APOLD1: variants seen among roughly 807,000 people sequenced by gnomAD.
APOLD1 encodes the protein apolipoprotein L domain-containing protein 1.
A neutral mutation model predicts 15.3 loss-of-function variants in APOLD1; 22 were observed. The observed-to-expected ratio is 1.44, with a 90% CI of 1.03 to 2.05. The LOEUF (loss-of-function observed/expected upper bound fraction) is 2.05. Ranked by LOEUF, APOLD1 falls within the 30% of genes most tolerant of loss-of-function variation. The probability of loss-of-function intolerance (pLI) is 0.00; values close to 1 mark genes in which losing one functional copy is unlikely to be tolerated. For missense variants in APOLD1, 394 were observed against 353.5 expected (o/e 1.11, Z -0.92); for synonymous variants, 190 against 167.4 (o/e 1.13, Z -1.04).
At chr12:12,768,898 C>G (rs1474513238) in intron 1 of APOLD1, among the ~76,000 whole-genome samples, 2 of 151,512 alleles carry the variant, frequency 1.3e-5, no homozygotes, top group East Asian at 3.9e-4. Context: ...GGATTAGGAA[C>G]ATTAGTTTCC....
In APOLD1 at chr12:12,776,953, AT is replaced by A. The variant is rs201787664; in HGVS notation, c.97-9955del. On this transcript the variant is annotated intron_variant, in intron 1 of 1. Transcript: ENST00000326765. ...GAAAAGTGTATTTTTTAAATAAAAA[AT>A]GATCAAAATTATATTCATCTGAAGA... Among the ~76,000 whole-genome samples the A allele has an allele frequency of 3.7e-3, 564 of 152,354 alleles. 5 individuals carry two copies. The highest frequency in any genetic ancestry group is 0.026 in the East Asian group (135 of 5,194).
At chr12:12,728,545 G>A (rs1040429180) in intron 1 of APOLD1, among the ~76,000 whole-genome samples, 1 of 151,668 alleles carries the variant, frequency 6.6e-6, no homozygotes, top group Admixed American at 6.6e-5. Context: ...GGTGCTGCCT[G>A]TAGTCCCAGC....
At position 12,746,623 on chromosome 12, in the gene APOLD1, T is replaced by C. The variant is rs151122049; in HGVS notation, c.96+20527T>C. Among the ~76,000 whole-genome samples, 138 of 152,294 alleles carry C rather than the reference T, an allele frequency of 9.1e-4. 1 individual carries two copies. The highest frequency in any genetic ancestry group is 3.3e-3 in the African/African-American group (136 of 41,568). On this transcript the variant is annotated intron_variant, in intron 1 of 1. Transcript: ENST00000326765. ...AATTTTAAAAAACTATTGGAAAACA[T>C]GGGAAAACATGCTCTAATTTTTTTT...
Position 12,787,421 on chromosome 12 carries a change from C to A in APOLD1, c.516C>A (p.Phe172Leu). ...ACAATTCTGTCTACTTCATCGTCTT[C>A]TTTGGCTCACGTGGCTTCCTCATCC... ...ALYNSVYFIV[F>L]FGSRGFLIPR... The change falls in exon 2 of 2, where the codon TTC becomes TTA. Residue 172 changes from phenylalanine (F) to leucine (L), a missense_variant. Physicochemically the swap from Phe to Leu is conservative, Grantham distance 22. Transcript: ENST00000356591. The surrounding 1 kb of genome is among the most constrained non-coding windows in gnomAD (Gnocchi z 4.9). 1 of 1,614,218 alleles carries A rather than the reference C, an allele frequency of 6.2e-7. No individual in the cohort carries two copies. Among genetic ancestry groups the A allele is most frequent in the Non-Finnish European group, 8.5e-7 (1 of 1,180,028 alleles).
intron 1 of APOLD1, among the ~76,000 whole-genome samples, chr12:12,776,003 CAAAAAAAA>C (rs34623976): frequency 3.2e-5 from 2 of 62,204 alleles, no homozygotes; most frequent in Non-Finnish European, 5.7e-5. Flanking sequence ...GACCCAGTCT[CAAAAAAAA>C]AAAAAAAAAA....
chr12:12,786,617 T>G (rs1548838), intron 1 of APOLD1: 514,894 of 976,394 alleles, frequency 0.53, 137,082 homozygotes, highest in South Asian at 0.65. Context: ...ATTTAACACA[T>G]AGCTGATGAA....
At chr12:12,786,613 C>T (rs1947126461) in intron 1 of APOLD1, 1 of 975,276 alleles carries the variant, frequency 1.0e-6, no homozygotes, top group African/African-American at 1.8e-5. Flanking sequence ...TCTTATTTAA[C>T]ACATAGCTGA....
chr12:12,745,184 G>C (rs143222212), intron 1 of APOLD1, among the ~76,000 whole-genome samples: 42 of 152,310 alleles, frequency 2.8e-4, no homozygotes, highest in South Asian at 6.2e-4. Context: ...AAGGCAGAGA[G>C]AAGACCAAAT....
At chr12:12,773,086 G>GA (rs144812570) in intron 1 of APOLD1, among the ~76,000 whole-genome samples, 2,717 of 150,454 alleles carry the variant, frequency 0.018, 83 homozygotes, top group African/African-American at 0.063. Context: ...CTCTAAAAAA[G>GA]AAAAAAAAAT....
At chr12:12,744,704 T>A (rs543254468) in intron 1 of APOLD1, among the ~76,000 whole-genome samples, 16 of 152,324 alleles carry the variant, frequency 1.1e-4, no homozygotes, top group Admixed American at 5.2e-4. Context: ...TGATCCTGAC[T>A]ATAAATTTCC....
chr12:12,770,395 A>T (rs1301008716), intron 1 of APOLD1, among the ~76,000 whole-genome samples: 1 of 152,190 alleles, frequency 6.6e-6, no homozygotes, highest in African/African-American at 2.4e-5. Context: ...ACAGAGCGAG[A>T]CTTCATCTCA....
intron 1 of APOLD1, among the ~76,000 whole-genome samples, chr12:12,732,004 G>A (rs1234749851): frequency 6.6e-6 from 1 of 152,196 alleles, no homozygotes; most frequent in Non-Finnish European, 1.5e-5. Flanking sequence ...ACAACTATAA[G>A]TATGTAAGAG....
intron 1 of APOLD1, chr12:12,726,309 G>A: frequency 1.5e-6 from 1 of 660,010 alleles, no homozygotes; most frequent in Non-Finnish European, 2.7e-6. Context: ...CGTTTTTGCG[G>A]GAGGAATATG....
At chr12:12,771,296 T>C in intron 1 of APOLD1, 1 of 186,850 alleles carries the variant, frequency 5.4e-6, no homozygotes, top group South Asian at 9.7e-5. Flanking sequence ...AAAAAGGTGC[T>C]GGGCTTTTAT....
intron 1 of APOLD1, among the ~76,000 whole-genome samples, chr12:12,767,687 A>G (rs962295871): frequency 1.3e-5 from 2 of 152,214 alleles, no homozygotes; most frequent in Non-Finnish European, 2.9e-5. Context: ...CAAAACTAGT[A>G]TAACAACTAT....
chr12:12,786,735 A>G, intron 1 of APOLD1, 174 bp from the exon 2 acceptor site: 4 of 985,398 alleles, frequency 4.1e-6, no homozygotes, highest in Non-Finnish European at 4.8e-6. Flanking sequence ...CGGATTCCAG[A>G]ACAGGTCTTT....
At chr12:12,749,942 A>G (rs1212838201) in intron 1 of APOLD1, among the ~76,000 whole-genome samples, 1 of 152,130 alleles carries the variant, frequency 6.6e-6, no homozygotes, top group Non-Finnish European at 1.5e-5. Context: ...CAATATTATC[A>G]TTATTTTTTG....
chr12:12,737,281 A>G (rs1946695422), intron 1 of APOLD1, among the ~76,000 whole-genome samples: 1 of 152,060 alleles, frequency 6.6e-6, no homozygotes, highest in Admixed American at 6.5e-5. Context: ...ACAGTGGGGT[A>G]ACAACCTAGA....
intron 1 of APOLD1, among the ~76,000 whole-genome samples, chr12:12,745,699 T>C (rs74434284): frequency 2.6e-5 from 4 of 152,086 alleles, no homozygotes; most frequent in Non-Finnish European, 5.9e-5. Flanking sequence ...TGTGGTAGAT[T>C]AGGTGTATTA....
Sources: allele counts gnomAD v4.1 joint callset (sites outside exome capture counted in the v4.1 genomes callset), GRCh38; gene constraint gnomAD v4.1.1; non-coding constraint Gnocchi (gnomAD v3.1); transcripts MANE v1.5; gene names NCBI Gene and HGNC (gene_info 2026-07-23, HGNC 2026-07-21).